Variants in NR3C2 observed in about 807,000 individuals in gnomAD.
The protein encoded by NR3C2 is nuclear receptor subfamily 3 group C member 2, also known as mineralocorticoid receptor.
NR3C2 carries 15 observed loss-of-function variants against 86.4 expected under a neutral mutation model. The observed-to-expected ratio is 0.17, with a 90% CI of 0.12 to 0.27. The LOEUF is 0.27. Ranked by LOEUF, NR3C2 falls within the 10% of genes least tolerant of loss-of-function variation. The pLI, the probability that NR3C2 is intolerant of heterozygous loss-of-function variation, is 1.00. For missense variants in NR3C2, 960 were observed against 1,195.6 expected (o/e 0.80, Z 2.91); for synonymous variants, 458 against 450.5 (o/e 1.02, Z -0.21).
At chr4:148,374,490 A>C (rs760780635) in intron 2 of NR3C2, among the ~76,000 whole-genome samples, 1 of 152,178 alleles carries the variant, frequency 6.6e-6, no homozygotes, top group Non-Finnish European at 1.5e-5. Context: ...CTTGCCTCTT[A>C]ACTCCCAGCT....
intron 2 of NR3C2, among the ~76,000 whole-genome samples, chr4:148,412,545 G>A (rs537417168): frequency 6.6e-6 from 1 of 152,186 alleles, no homozygotes; most frequent in African/African-American, 2.4e-5. Flanking sequence ...GAGAGATGCA[G>A]AAACAAGAGA....
intron 2 of NR3C2, among the ~76,000 whole-genome samples, chr4:148,357,850 G>C (rs143937455): frequency 6.1e-4 from 92 of 151,982 alleles, no homozygotes; most frequent in Non-Finnish European, 1.1e-3. Context: ...TGATGAGGAG[G>C]GTTAAAAAAA....
intron 3 of NR3C2, among the ~76,000 whole-genome samples, chr4:148,225,853 C>A (rs913314460): frequency 3.3e-5 from 5 of 152,120 alleles, no homozygotes; most frequent in Non-Finnish European, 7.4e-5. Context: ...AAACATCTGG[C>A]ACTCGACTGT....
At chr4:148,278,885 G>A (rs1282884571) in intron 2 of NR3C2, among the ~76,000 whole-genome samples, 2 of 151,978 alleles carry the variant, frequency 1.3e-5, no homozygotes, top group African/African-American at 4.8e-5. Flanking sequence ...AAAAGTGGCT[G>A]GGCATGGTGG....
chr4:148,103,049 A>C (rs1216964245), intron 8 of NR3C2, among the ~76,000 whole-genome samples: 1 of 152,072 alleles, frequency 6.6e-6, no homozygotes, highest in Non-Finnish European at 1.5e-5. Context: ...TCTATTTCTC[A>C]AAATCAGCAT....
chr4:148,418,129 T>C (rs1321662811), intron 2 of NR3C2, among the ~76,000 whole-genome samples: 1 of 152,206 alleles, frequency 6.6e-6, no homozygotes, highest in Non-Finnish European at 1.5e-5. Flanking sequence ...CACTCTCGTT[T>C]ACATTCTGAT....
At chr4:148,430,366 T>C (rs1749743658) in intron 2 of NR3C2, among the ~76,000 whole-genome samples, 2 of 152,098 alleles carry the variant, frequency 1.3e-5, no homozygotes, top group African/African-American at 4.8e-5. Context: ...TGTTTAAAAA[T>C]GAAACTCACA....
At chr4:148,184,753 A>G (rs945215520) in intron 4 of NR3C2, among the ~76,000 whole-genome samples, 1 of 152,188 alleles carries the variant, frequency 6.6e-6, no homozygotes, top group Non-Finnish European at 1.5e-5. Context: ...TAGATTTTAA[A>G]TTATTAATAA....
chr4:148,442,564 G>C, upstream of NR3C2: 1 of 795,686 alleles, frequency 1.3e-6, no homozygotes, highest in Non-Finnish European at 1.5e-6. Flanking sequence ...TTGCTATCCC[G>C]CCCCCCTGAA....
intron 2 of NR3C2, among the ~76,000 whole-genome samples, chr4:148,426,084 T>TA (rs1205642288): frequency 6.6e-6 from 1 of 152,198 alleles, no homozygotes; most frequent in Non-Finnish European, 1.5e-5. Flanking sequence ...ACAAAATCCT[T>TA]ACTCTGAACC....
At chr4:148,398,864 T>A (rs1241049695) in intron 2 of NR3C2, among the ~76,000 whole-genome samples, 1 of 152,206 alleles carries the variant, frequency 6.6e-6, no homozygotes, top group Non-Finnish European at 1.5e-5. Flanking sequence ...TGTGTACATG[T>A]GCATGCGCAT....
intron 4 of NR3C2, among the ~76,000 whole-genome samples, chr4:148,160,364 T>C (rs1030575656): frequency 2.5e-5 from 3 of 119,734 alleles, no homozygotes; most frequent in Non-Finnish European, 5.3e-5. Context: ...CTTTGAAACA[T>C]GACATGGCAA....
In NR3C2 at chr4:148,378,667, T is replaced by G. The variant is rs141342436; in HGVS notation, c.1757+56437A>C. On this transcript the variant is annotated intron_variant, in intron 2 of 8. Coordinates refer to ENST00000358102, the MANE Select transcript of NR3C2 (RefSeq NM_000901.5). ...GACGTGCCTGCTTCTCCCTTTATCTTCTGCTATGATGGTAAGATGTCTGAG... is the reference window on the plus strand; with the variant it reads ...GACGTGCCTGCTTCTCCCTTTATCTGCTGCTATGATGGTAAGATGTCTGAG... Among the ~76,000 whole-genome samples the G allele has an allele frequency of 1.2e-3, 188 of 152,304 alleles. 1 individual carries two copies. The highest frequency in any genetic ancestry group is 2.6e-3 in the Admixed American group (39 of 15,290).
intron 2 of NR3C2, among the ~76,000 whole-genome samples, chr4:148,428,736 C>T (rs1409598302): frequency 6.6e-6 from 1 of 152,146 alleles, no homozygotes; most frequent in African/African-American, 2.4e-5. Context: ...TTACCCCCAA[C>T]ATCTTTACTC....
chr4:148,103,716 C>T (rs1450093043), intron 8 of NR3C2, among the ~76,000 whole-genome samples: 1 of 152,164 alleles, frequency 6.6e-6, no homozygotes, highest in Non-Finnish European at 1.5e-5. Flanking sequence ...CAACCATGGC[C>T]ACTGATTGAT....
intron 3 of NR3C2, among the ~76,000 whole-genome samples, chr4:148,217,859 T>C (rs897952364): frequency 6.6e-6 from 1 of 152,202 alleles, no homozygotes; most frequent in Non-Finnish European, 1.5e-5. Flanking sequence ...AACCCATGTG[T>C]AATGGACTGC....
intron 8 of NR3C2, among the ~76,000 whole-genome samples, chr4:148,082,613 G>T (rs563945075): frequency 2.7e-4 from 40 of 150,616 alleles, no homozygotes; most frequent in Non-Finnish European, 3.4e-4. Context: ...AGGGCCCTGG[G>T]TTTCAAGCAC....
intron 4 of NR3C2, among the ~76,000 whole-genome samples, chr4:148,191,869 T>C (rs1272659506): frequency 6.6e-6 from 1 of 152,240 alleles, no homozygotes; most frequent in Non-Finnish European, 1.5e-5. Context: ...TCTATTTCCA[T>C]GAATATTTCT....
chr4:148,282,415 A>C (rs765086838), intron 2 of NR3C2, among the ~76,000 whole-genome samples: 10 of 152,236 alleles, frequency 6.6e-5, no homozygotes, highest in Non-Finnish European at 1.2e-4. Context: ...CATTTTATGT[A>C]ATAGGAAAAT....
Sources: gnomAD v4.1 joint callset for allele counts (sites outside exome capture counted in the v4.1 genomes callset) on GRCh38, gnomAD v4.1.1 for gene constraint, MANE v1.5 for transcripts, NCBI Gene and HGNC (gene_info 2026-07-23, HGNC 2026-07-21) for gene names.